ZFAND3: variants seen among roughly 807,000 people sequenced by gnomAD.
The protein encoded by ZFAND3 is AN1-type zinc finger protein 3.
ZFAND3 carries 10 observed loss-of-function variants against 29.6 expected under a neutral mutation model. The ratio of observed to expected loss-of-function variants is 0.34; its 90% CI spans 0.21 to 0.57. The LOEUF is 0.57. Ranked by LOEUF, ZFAND3 falls within the 20% of genes least tolerant of loss-of-function variation. The pLI is 0.86. For synonymous variants in ZFAND3, 128 were observed against 112.6 expected (o/e 1.14, Z -0.87); for missense variants, 230 against 304.5 (o/e 0.76, Z 1.82).
At chr6:38,040,819 T>C (rs1347651539) in intron 2 of ZFAND3, among the ~76,000 whole-genome samples, 1 of 152,240 alleles carries the variant, frequency 6.6e-6, no homozygotes, top group African/African-American at 2.4e-5. Context: ...GACATTCTCT[T>C]AATTTAACCA....
intron 2 of ZFAND3, among the ~76,000 whole-genome samples, chr6:38,050,653 G>C (rs1764008796): frequency 6.6e-6 from 1 of 152,122 alleles, no homozygotes; most frequent in African/African-American, 2.4e-5. Context: ...TCCCATCCAT[G>C]TGAAACTGTG....
At chr6:37,906,697 T>G (rs776355709) in intron 1 of ZFAND3, among the ~76,000 whole-genome samples, 41 of 114,106 alleles carry the variant, frequency 3.6e-4, no homozygotes, top group Non-Finnish European at 5.9e-4. Context: ...ACACTTACTT[T>G]CTGTTTTTTT....
At chr6:37,832,052 A>G (rs1015005859) in intron 1 of ZFAND3, among the ~76,000 whole-genome samples, 5 of 152,226 alleles carry the variant, frequency 3.3e-5, no homozygotes, top group African/African-American at 7.2e-5. Context: ...CCCTTTGGCA[A>G]TCTGGTGAAG....
At chr6:37,952,082 A>T (rs756018841) in intron 2 of ZFAND3, among the ~76,000 whole-genome samples, 1 of 152,126 alleles carries the variant, frequency 6.6e-6, no homozygotes, top group Non-Finnish European at 1.5e-5. Flanking sequence ...TAGCTTTATG[A>T]TATGCAGCTG....
intron 2 of ZFAND3, among the ~76,000 whole-genome samples, chr6:37,995,106 G>T (rs765976324): frequency 6.6e-6 from 1 of 152,162 alleles, no homozygotes; most frequent in Non-Finnish European, 1.5e-5. Context: ...TAATACTGGA[G>T]AACCTGCGTG....
chr6:37,849,308 T>C (rs7767466), intron 1 of ZFAND3, among the ~76,000 whole-genome samples: 9,993 of 152,264 alleles, frequency 0.066, 403 homozygotes, highest in Non-Finnish European at 0.094. Context: ...CTCTTCTTCT[T>C]TGGGCTATGG....
At chr6:37,888,357 T>C (rs1266830382) in intron 1 of ZFAND3, among the ~76,000 whole-genome samples, 2 of 152,238 alleles carry the variant, frequency 1.3e-5, no homozygotes, top group African/African-American at 4.8e-5. Context: ...AGTAGTTTAA[T>C]GAAGTCAGAT....
intron 2 of ZFAND3, among the ~76,000 whole-genome samples, chr6:38,040,029 G>C (rs771943362): frequency 6.6e-6 from 1 of 151,946 alleles, no homozygotes; most frequent in Non-Finnish European, 1.5e-5. Context: ...ATTGGGGAGA[G>C]AAATGGATTA....
At chr6:37,898,604 A>G (rs1182943636) in intron 1 of ZFAND3, among the ~76,000 whole-genome samples, 1 of 152,164 alleles carries the variant, frequency 6.6e-6, no homozygotes. Flanking sequence ...ATTTCCATTT[A>G]TGTAAGTCTT....
chr6:37,972,510 G>A (rs1762407174), intron 2 of ZFAND3, among the ~76,000 whole-genome samples: 1 of 152,168 alleles, frequency 6.6e-6, no homozygotes, highest in Admixed American at 6.5e-5. Context: ...TTGTGAGACT[G>A]TTCATTTTGA....
intron 4 of ZFAND3, among the ~76,000 whole-genome samples, chr6:38,106,718 T>A (rs1020969428): frequency 1.3e-5 from 2 of 152,158 alleles, no homozygotes; most frequent in Admixed American, 1.3e-4. Context: ...TATGTGTATA[T>A]CTTTCCTTCT....
At chr6:38,059,045 G>C (rs139768141) in intron 2 of ZFAND3, among the ~76,000 whole-genome samples, 1 of 152,092 alleles carries the variant, frequency 6.6e-6, no homozygotes, top group Non-Finnish European at 1.5e-5. Context: ...TCTCTGAATT[G>C]ATATAATAAA....
intron 5 of ZFAND3, among the ~76,000 whole-genome samples, chr6:38,144,471 A>G (rs1169765457): frequency 6.6e-6 from 1 of 152,036 alleles, no homozygotes; most frequent in Non-Finnish European, 1.5e-5. Context: ...AAAGAACCAG[A>G]TCTACCTGCC....
chr6:38,144,184 A>AAT (rs1554183921), intron 5 of ZFAND3, among the ~76,000 whole-genome samples: 6,071 of 42,190 alleles, frequency 0.14, 298 homozygotes, highest in East Asian at 0.33. Context: ...ATATATATAT[A>AAT]ATATATATAT....
rs1160736702 is a variant in ZFAND3 at position 37,844,272 on chromosome 6, T to G, written c.71+24256T>G. Among the ~76,000 whole-genome samples, 5 of 151,328 alleles carry G rather than the reference T, an allele frequency of 3.3e-5. No individual in the cohort carries two copies. In the East Asian group the frequency reaches 9.8e-4, roughly 30 times the overall value. ...TCTGTCTTTCTGTCTTTCCTTGTCT[T>G]TCTTTCCTTCTCTGTCTTTCTTGTC... On this transcript the variant is annotated intron_variant, in intron 1 of 5. Coordinates refer to ENST00000287218, the MANE Select transcript of ZFAND3 (RefSeq NM_021943.3).
At chr6:38,078,589 G>T (rs770306979) in intron 3 of ZFAND3, among the ~76,000 whole-genome samples, 21 of 152,198 alleles carry the variant, frequency 1.4e-4, no homozygotes, top group Non-Finnish European at 2.6e-4. Context: ...GTTGTATTAA[G>T]CAAGGAACTT....
intron 4 of ZFAND3, among the ~76,000 whole-genome samples, chr6:38,097,011 C>G (rs531485173): frequency 1.3e-5 from 2 of 152,242 alleles, no homozygotes; most frequent in South Asian, 4.2e-4. Context: ...TAATTCTCCT[C>G]ATTTACCTGG....
chr6:37,917,572 CTT>C (rs1761283337), intron 1 of ZFAND3, among the ~76,000 whole-genome samples: 1 of 152,156 alleles, frequency 6.6e-6, no homozygotes, highest in Admixed American at 6.5e-5. Context: ...AAGATGTACT[CTT>C]GAGTTCCCTT....
chr6:37,865,691 T>C (rs144007768), intron 1 of ZFAND3, among the ~76,000 whole-genome samples: 16 of 152,320 alleles, frequency 1.1e-4, no homozygotes, highest in Admixed American at 2.6e-4. Context: ...AGTTAAGTTG[T>C]AGACTCAGGA....
Sources: allele counts gnomAD v4.1 joint callset (sites outside exome capture counted in the v4.1 genomes callset), GRCh38; gene constraint gnomAD v4.1.1; transcripts MANE v1.5; gene names NCBI Gene and HGNC (gene_info 2026-07-23, HGNC 2026-07-21).